MASP2: variants seen among roughly 807,000 people sequenced by gnomAD.
MASP2 encodes mannan-binding lectin serine protease 2.
A neutral mutation model predicts 57.1 loss-of-function variants in MASP2; 49 were observed. The ratio of observed to expected loss-of-function variants is 0.86; its 90% CI spans 0.68 to 1.09. The LOEUF is 1.09. MASP2 is among the 50% of genes least tolerant of loss of function. The pLI is 0.00. For synonymous variants in MASP2, 379 were observed against 340.8 expected, an observed-to-expected ratio of 1.11 and a Z score of -1.24; for missense variants, 900 against 874.8, an observed-to-expected ratio of 1.03 and a Z score of -0.36.
At position 11,043,501 on chromosome 1, in the gene MASP2, A is replaced by G; in HGVS notation, c.579T>C (p.Ser193=). ...GGTATTCAGGGCTGCTGAGCTCCCCAGACCTCTGGGTGAAGACCTGGCCGG... is the reference window on the plus strand; with the variant it reads ...GGTATTCAGGGCTGCTGAGCTCCCCGGACCTCTGGGTGAAGACCTGGCCGG... ...LCSGQVFTQR[S]GELSSPEYPR... Residue 193 remains serine (S), a synonymous_variant, in exon 5 of 11, where the codon TCT becomes TCC. Coordinates refer to ENST00000400897, the MANE Select transcript of MASP2 (RefSeq NM_006610.4). 1 of 1,607,070 alleles carries G rather than the reference A, an allele frequency of 6.2e-7. No homozygotes were observed. Among genetic ancestry groups the G allele is most frequent in the South Asian group, 1.1e-5 (1 of 89,586 alleles).
In MASP2 at chr1:11,043,511, G is replaced by A. The variant is rs949069867; in HGVS notation, c.569C>T (p.Thr190Ile). Residue 190 changes from threonine (T) to isoleucine (I), a missense_variant, in exon 5 of 11, where the codon ACC becomes ATC. Coordinates refer to ENST00000400897, the MANE Select transcript of MASP2 (RefSeq NM_006610.4). ...GCTGCTGAGCTCCCCAGACCTCTGG[G>A]TGAAGACCTGGCCGGAGCACAGGGC... ...CSALCSGQVF[T>I]QRSGELSSPE... The A allele has an allele frequency of 1.9e-6, 3 of 1,604,518 alleles. No individual in the cohort carries two copies. The highest frequency in any genetic ancestry group is 1.3e-5 in the African/African-American group (1 of 74,930).
chr1:11,036,019 A>T (rs936158167), intron 7 of MASP2, among the ~76,000 whole-genome samples: 6 of 152,120 alleles, frequency 3.9e-5, no homozygotes, highest in Admixed American at 6.6e-5. Flanking sequence ...GAGGAGGGCT[A>T]CTAAGAGTTC....
Position 11,027,168 on chromosome 1 carries a change from A to G in MASP2, c.1778T>C (p.Val593Ala), listed in dbSNP as rs754123074. The G allele has an allele frequency of 2.5e-6, 4 of 1,614,070 alleles. No individual in the cohort carries two copies. Among genetic ancestry groups the G allele is most frequent in the Non-Finnish European group, 3.4e-6 (4 of 1,180,048 alleles). ...RNLMYVDIPIVDHQKCTAAYE... is the reference protein window; with the variant it reads ...RNLMYVDIPIADHQKCTAAYE... ...TGCAGCAGTACATTTTTGATGGTCAACAATCGGTATGTCGACATACATTAG... is the reference window on the plus strand; with the variant it reads ...TGCAGCAGTACATTTTTGATGGTCAGCAATCGGTATGTCGACATACATTAG... The change falls in exon 11 of 11, where the codon GTT (valine) becomes GCT (alanine). Residue 593 changes from valine to alanine, a missense_variant. Transcript: ENST00000400897.
Position 11,027,317 on chromosome 1 carries a change from T to C in MASP2, c.1629A>G (p.Val543=). 3 of 1,614,074 alleles carry C rather than the reference T, an allele frequency of 1.9e-6. No homozygotes were observed. The highest frequency in any genetic ancestry group is 2.5e-6 in the Non-Finnish European group (3 of 1,179,934). Residue 543 remains valine, a synonymous_variant, in exon 11 of 11, where the codon GTA becomes GTG. Coordinates refer to ENST00000400897, the MANE Select transcript of MASP2 (RefSeq NM_006610.4). ...IALIKLNNKV[V]INSNITPICL... is the part of the protein sequence containing the mutation. ...AAATAGGCGTGATGTTGCTATTGAT[T>C]ACAACTTTGTTATTCAATTTAATCA...
chr1:11,027,093 C>T lies in MASP2; in HGVS notation c.1853G>A (p.Cys618Tyr), dbSNP rs764932450. 2.5e-6 allele frequency: 4 copies of T among 1,603,440 alleles called. No individual in the cohort carries two copies. Among genetic ancestry groups the T allele is most frequent in the Non-Finnish European group, 3.4e-6 (4 of 1,174,424 alleles). The change falls in exon 11 of 11, where the codon TGT (cysteine) becomes TAT (tyrosine). Residue 618 changes from cysteine to tyrosine, a missense_variant. Cys to Tyr is a radical substitution (Grantham distance 194, BLOSUM62 -2). Coordinates refer to ENST00000400897, the MANE Select transcript of MASP2 (RefSeq NM_006610.4). ...CTTGCCCCCACTTTCTAAGCCAGCA[C>T]AAAGCATGTTAGCAGTTACACTTCC... ...PRGSVTANML[C>Y]AGLESGGKDS...
intron 8 of MASP2, among the ~76,000 whole-genome samples, chr1:11,031,250 G>A (rs375094430): frequency 6.3e-4 from 95 of 151,636 alleles, no homozygotes; most frequent in African/African-American, 2.2e-3. Context: ...GCGGCCGGGC[G>A]CGATGGCTCA....
chr1:11,046,967 G>A lies in MASP2; in HGVS notation c.158C>T (p.Pro53Leu), dbSNP rs1239665066. ...GAAGTAGAGGCGCAGGCGGTAGCCG[G>A]GGGGTGCAGTCAGGGTCCAGCGCCG... is the stretch of plus-strand genomic sequence containing the variant. ...QERRWTLTAP[P>L]GYRLRLYFTH... The change falls in exon 2 of 11, where the codon CCC becomes CTC. Residue 53 changes from proline (P) to leucine (L), a missense_variant. By Grantham distance (98) the Pro-to-Leu change is moderately conservative (BLOSUM62 -3). Transcript: ENST00000400897. 2 of 1,563,280 alleles carry A rather than the reference G, an allele frequency of 1.3e-6. No individual in the cohort carries two copies. Among genetic ancestry groups the A allele is most frequent in the East Asian group, 2.4e-5 (1 of 42,058 alleles).
At chr1:11,029,657 T>TG in intron 10 of MASP2, 1 of 145,280 alleles carries the variant, frequency 6.9e-6, no homozygotes, top group South Asian at 2.2e-4. Flanking sequence ...TTTTTTTTTT[T>TG]GGATATGGAA....
At chr1:11,034,982 C>T (rs6695096) in intron 7 of MASP2, 76 bp from the exon 8 acceptor site, 822,141 of 987,678 alleles carry the variant, frequency 0.83, 342,925 homozygotes, top group East Asian at 0.87. Context: ...GCTCTCACAG[C>T]AGTTCCTATT....
Position 11,046,453 on chromosome 1 carries a change from G to T in MASP2, c.412+103C>A, listed in dbSNP as rs1638640097. 4 of 1,349,052 alleles carry T rather than the reference G, an allele frequency of 3.0e-6. No individual in the cohort carries two copies. The East Asian group carries it at 9.6e-5, about 32-fold the overall frequency. The allele number at this position is 1,349,052 out of a possible 1,614,324, so 83.6% of individuals were successfully genotyped here. ...GGCCAGAGGCCTCTCCCCTGCCCTGGGAAAGGTGGGGAAACTGAAGGCAGG... is the reference window on the plus strand; with the variant it reads ...GGCCAGAGGCCTCTCCCCTGCCCTGTGAAAGGTGGGGAAACTGAAGGCAGG... On this transcript the variant is annotated intron_variant, in intron 3 of 10. Transcript: ENST00000400897.
chr1:11,035,780 C>T (rs2100885423), intron 7 of MASP2, among the ~76,000 whole-genome samples: 1 of 151,572 alleles, frequency 6.6e-6, no homozygotes, highest in South Asian at 2.1e-4. Context: ...CCTGTAGTCC[C>T]AGCTACTTGG....
chr1:11,037,174 A>T (rs1298737195), intron 7 of MASP2, among the ~76,000 whole-genome samples: 1 of 151,932 alleles, frequency 6.6e-6, no homozygotes, highest in Admixed American at 6.6e-5. Context: ...TGCCTCAGCC[A>T]CCCGAGTAGC....
intron 4 of MASP2, chr1:11,044,731 G>T: frequency 1.4e-6 from 2 of 1,382,978 alleles, no homozygotes; most frequent in South Asian, 1.4e-5. Context: ...CTGTGAGGAG[G>T]GTAGGCAGAG....
At position 11,032,851 on chromosome 1, in the gene MASP2, G is replaced by T. The variant is rs531992947; in HGVS notation, c.1088-1969C>A. Among the ~76,000 whole-genome samples, 4 of 152,120 alleles carry T rather than the reference G, an allele frequency of 2.6e-5. No homozygotes were observed. The South Asian group carries it at 8.3e-4, about 32-fold the overall frequency. On this transcript the variant is annotated intron_variant, in intron 8 of 10. Coordinates refer to ENST00000400897, the MANE Select transcript of MASP2 (RefSeq NM_006610.4). ...TTGAACCCGGGAGAAGGAGGTTGCA[G>T]TGAGCCGAGATGGCGCCACTCCACT...
intron 10 of MASP2, chr1:11,029,635 T>C (rs12748880): frequency 1.1e-3 from 5 of 4,416 alleles, no homozygotes; most frequent in African/African-American, 2.3e-3. Context: ...TTTTAAAATC[T>C]TTTTTTTTTT....
chr1:11,033,926 GACACAC>G (rs762078074), intron 8 of MASP2, among the ~76,000 whole-genome samples: 36 of 140,128 alleles, frequency 2.6e-4, no homozygotes, highest in South Asian at 4.7e-4. Flanking sequence ...GTGAGACTCC[GACACAC>G]ACACACACAC....
rs12136434 is a variant in MASP2 at position 11,039,647 on chromosome 1, G to A, written c.890-1836C>T. 1.3e-4 allele frequency among the ~76,000 whole-genome samples: 18 copies of A among 142,204 alleles called. No individual in the cohort carries two copies. In the Admixed American group the frequency reaches 1.3e-3, roughly 10 times the overall value. 93.3% of individuals were successfully genotyped at this position (142,204 alleles called of 152,430 possible). ...TATGGGTGGATATATAGGTGGATGG[G>A]TGGATGGATGAATGGATGCATGGAT... is the stretch of plus-strand genomic sequence containing the variant. On this transcript the variant is annotated intron_variant, in intron 6 of 10. Transcript: ENST00000400897.
chr1:11,043,212 G>A lies in MASP2; in HGVS notation c.741+127C>T. ...GGCCCCAGCCTTGGACCTCCATAGA[G>A]CACCTGAAGAGGTGGGGGTCACCGA... is the stretch of plus-strand genomic sequence containing the variant. On this transcript the variant is annotated intron_variant, in intron 5 of 10. Coordinates refer to ENST00000400897, the MANE Select transcript of MASP2 (RefSeq NM_006610.4). 4.0e-6 allele frequency: 4 copies of A among 1,000,800 alleles called. No individual in the cohort carries two copies. The South Asian group carries it at 6.3e-5, about 16-fold the overall frequency. 62.0% of individuals were successfully genotyped at this position (1,000,800 alleles called of 1,614,324 possible). A position where few individuals can be genotyped will look rare whatever the true frequency, so the allele number is the denominator to read the frequency against.
rs757050153 is a variant in MASP2 at position 11,027,472 on chromosome 1, C to T, written c.1474G>A (p.Ala492Thr). 6 of 1,613,952 alleles carry T rather than the reference C, an allele frequency of 3.7e-6. No homozygotes were observed. Among genetic ancestry groups the T allele is most frequent in the African/African-American group, 1.3e-5 (1 of 74,890 alleles). Residue 492 changes from alanine (A) to threonine (T), a missense_variant, in exon 11 of 11, where the codon GCA (alanine) becomes ACA (threonine). Transcript: ENST00000400897. ...CCCATTCGAATGTCCAGGGCGGATG[C>T]ATCATGTTTTTGCTCATAGACGGCA... ...AHAVYEQKHD[A>T]SALDIRMGTL...
Sources: allele counts gnomAD v4.1 joint callset (sites outside exome capture counted in the v4.1 genomes callset), GRCh38; gene constraint gnomAD v4.1.1; transcripts MANE v1.5; gene names NCBI Gene and HGNC (gene_info 2026-07-23, HGNC 2026-07-21).